ZFYVE26: variants seen among roughly 807,000 people sequenced by gnomAD.
ZFYVE26 encodes zinc finger FYVE-type containing 26, also known as zinc finger FYVE domain-containing protein 26.
A neutral mutation model predicts 276.5 loss-of-function variants in ZFYVE26; 181 were observed. The ratio of observed to expected loss-of-function variants is 0.65; its 90% CI spans 0.58 to 0.74. The LOEUF is 0.74. ZFYVE26 is among the 30% of genes least tolerant of loss of function. ZFYVE26 has a pLI of 0.00. For missense variants in ZFYVE26, 2,821 were observed against 3,097.9 expected, an observed-to-expected ratio of 0.91 and a Z score of 2.12; for synonymous variants, 1,129 against 1,203.1, an observed-to-expected ratio of 0.94 and a Z score of 1.27.
intron 13 of ZFYVE26, among the ~76,000 whole-genome samples, chr14:67,739,578 C>T (rs920605920): frequency 6.6e-6 from 1 of 151,886 alleles, no homozygotes; most frequent in African/African-American, 2.4e-5. Context: ...TCCTGACCTA[C>T]TTTTATCACC....
At chr14:67,784,753 T>A (rs1022549568) in intron 19 of ZFYVE26, among the ~76,000 whole-genome samples, 8 of 152,248 alleles carry the variant, frequency 5.3e-5, no homozygotes, top group African/African-American at 1.9e-4. Flanking sequence ...AAGAATCTGG[T>A]ACTCATATCA....
In ZFYVE26 at chr14:67,729,286, T is replaced by TC. The variant is rs1594867516; in HGVS notation, n.3212dup. 1.2e-6 allele frequency: 2 copies of TC among 1,604,264 alleles called. No homozygotes were observed. The highest frequency in any genetic ancestry group is 2.2e-5 in the East Asian group (1 of 44,870). On this transcript the variant is annotated non_coding_transcript_exon_variant, in exon 14 of 15. Coordinates refer to the ZFYVE26 transcript ENST00000394455. The stretch of plus-strand genomic sequence containing the variant: ...GCTCTGCCTGCTCTGGCGGCTCTTC[T>TC]CCCCCTTTGTCAAGACGGCACGGGA...
intron 29 of ZFYVE26, among the ~76,000 whole-genome samples, chr14:67,769,281 G>A (rs572333267): frequency 1.3e-3 from 197 of 152,296 alleles, no homozygotes; most frequent in African/African-American, 4.6e-3. Flanking sequence ...AGAGAGGCTG[G>A]AAAATAGGTG....
At chr14:67,745,114 C>T (rs975342389), downstream of ZFYVE26, among the ~76,000 whole-genome samples, 3 of 152,122 alleles carry the variant, frequency 2.0e-5, no homozygotes, top group Non-Finnish European at 2.9e-5. Context: ...TTCTAACTGG[C>T]GTGAGATGGC....
Position 67,783,521 on chromosome 14 carries a change from C to T in ZFYVE26, c.3631G>A (p.Ala1211Thr), listed in dbSNP as rs769400320. 6.2e-7 allele frequency: 1 copy of T among 1,612,476 alleles called. No individual in the cohort carries two copies. Among genetic ancestry groups the T allele is most frequent in the Admixed American group, 1.7e-5 (1 of 60,004 alleles). Residue 1211 changes from alanine to threonine, a missense_variant, in exon 21 of 42, where the codon GCA (alanine) becomes ACA (threonine). By Grantham distance (58) the Ala-to-Thr change is moderately conservative. Coordinates refer to ENST00000347230, the MANE Select transcript of ZFYVE26 (RefSeq NM_015346.4). ...FERQVPPERL[A>T]ALLAQENLSL... is the part of the protein sequence containing the mutation. The stretch of plus-strand genomic sequence containing the variant: ...AGATTCTCTTGGGCCAGAAGGGCTG[C>T]CAGTCTGGAAGGAGAGAAGCAGAAA...
chr14:67,798,120 G>C lies in ZFYVE26; in HGVS notation c.2142C>G (p.Ser714Arg). 6.2e-7 allele frequency: 1 copy of C among 1,614,162 alleles called. No individual in the cohort carries two copies. Among genetic ancestry groups the C allele is most frequent in the Non-Finnish European group, 8.5e-7 (1 of 1,180,006 alleles). Residue 714 changes from serine to arginine, a missense_variant, in exon 11 of 42, where the codon AGC becomes AGG. Physicochemically the swap from Ser to Arg is moderately radical, Grantham distance 110. Coordinates refer to ENST00000347230, the MANE Select transcript of ZFYVE26 (RefSeq NM_015346.4). Reference sequence around the variant, plus strand: ...GCAGTCCATCTCTGCTTCCTGAGCAGCTCTGACTTTCTTGCTTTGGCTTCT... The same window carrying C: ...GCAGTCCATCTCTGCTTCCTGAGCACCTCTGACTTTCTTGCTTTGGCTTCT... ...PPEKPKQESQ[S>R]CSGSRDGLQS... is the part of the protein sequence containing the mutation.
chr14:67,762,026 T>G (rs997605235), intron 34 of ZFYVE26, 177 bp downstream of exon 34: 3 of 644,432 alleles, frequency 4.7e-6, no homozygotes, highest in African/African-American at 1.8e-5. Flanking sequence ...ATTACTTATC[T>G]AACCATATAT....
At chr14:67,753,833 GA>G in intron 38 of ZFYVE26, 67 bp from the exon 39 acceptor site, 2 of 1,561,682 alleles carry the variant, frequency 1.3e-6, no homozygotes, top group South Asian at 2.3e-5. Flanking sequence ...GACCAAGAAT[GA>G]AGGCCTCTAT....
At chr14:67,779,154 C>G (rs2039429511) in intron 23 of ZFYVE26, among the ~76,000 whole-genome samples, 1 of 152,242 alleles carries the variant, frequency 6.6e-6, no homozygotes, top group Admixed American at 6.5e-5. Context: ...CTACTTACCA[C>G]TCAGAAATCT....
intron 4 of ZFYVE26, among the ~76,000 whole-genome samples, chr14:67,808,946 A>G (rs1471376429): frequency 6.6e-6 from 1 of 152,196 alleles, no homozygotes; most frequent in Non-Finnish European, 1.5e-5. Flanking sequence ...TGTCCCCTTC[A>G]TATTCCCTGC....
At chr14:67,750,642 G>A in intron 41 of ZFYVE26, 1 of 243,942 alleles carries the variant, frequency 4.1e-6, no homozygotes, top group Non-Finnish European at 8.1e-6. Context: ...GTGGGGTGGG[G>A]ATTTTTTTCT....
At chr14:67,804,888 G>A (rs984870336) in intron 8 of ZFYVE26, among the ~76,000 whole-genome samples, 1 of 152,188 alleles carries the variant, frequency 6.6e-6, no homozygotes, top group African/African-American at 2.4e-5. Context: ...TCTACCCATA[G>A]GATTATTGTG....
Position 67,762,811 on chromosome 14 carries a change from C to G in ZFYVE26, c.6020G>C (p.Ser2007Thr). The change falls in exon 33 of 42, where the codon AGC becomes ACC. Residue 2007 changes from serine (S) to threonine (T), a missense_variant. By Grantham distance (58) the Ser-to-Thr change is moderately conservative (BLOSUM62 1). Transcript: ENST00000347230. ...TAAAATATTCAGCACATCTACCTTG[C>G]TGATGTAGCTACAAGGAGGAAAAGG... ...QDLALCDSYI[S>T]KVDVLNILVA... The G allele has an allele frequency of 6.2e-7, 1 of 1,614,032 alleles. No individual in the cohort carries two copies. Among genetic ancestry groups the G allele is most frequent in the Non-Finnish European group, 8.5e-7 (1 of 1,180,042 alleles).
chr14:67,773,553 G>A (rs113448474), intron 27 of ZFYVE26, among the ~76,000 whole-genome samples: 83,520 of 136,676 alleles, frequency 0.61, 26,741 homozygotes, highest in East Asian at 0.92. Flanking sequence ...AAAAAAAGGC[G>A]CACACACACA....
chr14:67,816,186 A>T (rs1217648989), intron 1 of ZFYVE26, 140 bp from the exon 2 acceptor site: 1 of 538,542 alleles, frequency 1.9e-6, no homozygotes, highest in Non-Finnish European at 3.3e-6. Flanking sequence ...TTACTTTTTG[A>T]AAACACTTTC....
chr14:67,753,962 G>T, intron 38 of ZFYVE26, 109 bp downstream of exon 38: 17 of 1,571,360 alleles, frequency 1.1e-5, no homozygotes, highest in Non-Finnish European at 1.5e-5. Context: ...TTCTAGTGGG[G>T]AGGCAGCCAT....
rs138050875 is a variant in ZFYVE26, at chr14:67,790,742, G to C, written c.2585C>G (p.Pro862Arg). The change falls in exon 15 of 42, where the codon CCC becomes CGC. Residue 862 changes from proline (P) to arginine (R), a missense_variant. Physicochemically the swap from Pro to Arg is moderately radical, Grantham distance 103. Transcript: ENST00000347230. ...CATGAACATCAGTTCCCCTGAACTGGGTGAGGACTTCAGGTTGAACGTGAA... is the reference window on the plus strand; with the variant it reads ...CATGAACATCAGTTCCCCTGAACTGCGTGAGGACTTCAGGTTGAACGTGAA... ...VLFTFNLKSS[P>R]SSGELMFMER... is the part of the protein sequence containing the mutation. 1.1e-4 allele frequency: 184 copies of C among 1,614,046 alleles called. No homozygotes were observed. In the Middle Eastern group the frequency reaches 2.1e-3, roughly 19 times the overall value.
chr14:67,745,795 G>A (rs2038476684), downstream of ZFYVE26, among the ~76,000 whole-genome samples: 2 of 151,794 alleles, frequency 1.3e-5, no homozygotes, highest in South Asian at 4.2e-4. Flanking sequence ...TTGGGAGGAT[G>A]AGGCAGGATT....
At position 67,786,037 on chromosome 14, in the gene ZFYVE26, T is replaced by C. The variant is rs2039646589; in HGVS notation, c.3140-15A>G. The C allele has an allele frequency of 2.5e-6, 4 of 1,613,910 alleles. No homozygotes were observed. Among genetic ancestry groups the C allele is most frequent in the Non-Finnish European group, 3.4e-6 (4 of 1,179,992 alleles). On this transcript the variant is annotated splice_polypyrimidine_tract_variant and intron_variant, in intron 17 of 41. Transcript: ENST00000347230. ...TTCCACACTCTCTATGGAAAGCAAA[T>C]GAGAAAGAAAAAGTAAAGTCTGTTG...
Sources: gnomAD v4.1 joint callset for allele counts (sites outside exome capture counted in the v4.1 genomes callset) on GRCh38, gnomAD v4.1.1 for gene constraint, MANE v1.5 for transcripts, NCBI Gene and HGNC (gene_info 2026-07-23, HGNC 2026-07-21) for gene names.